Variants in CFAP70 observed in about 807,000 individuals in gnomAD.
CFAP70 encodes the protein cilia and flagella associated protein 70.
CFAP70 carries 81 observed loss-of-function variants against 137.6 expected under a neutral mutation model. That is an observed-to-expected ratio of 0.59 (90% confidence interval 0.49 to 0.71). The LOEUF is 0.71. CFAP70 is among the 30% of genes least tolerant of loss of function. The probability of loss-of-function intolerance (pLI) is 0.00; values close to 1 mark genes in which losing one functional copy is unlikely to be tolerated. For missense variants in CFAP70, 976 were observed against 1,226.7 expected, an observed-to-expected ratio of 0.80 and a Z score of 3.05; for synonymous variants, 382 against 423.6, an observed-to-expected ratio of 0.90 and a Z score of 1.20.
In CFAP70 at chr10:73,274,369, G is replaced by A; in HGVS notation, c.2835+64C>T. ...CTAGTTTTAGTCCACACAGATAGAT[G>A]TTAATGCTTGAATTACAATTAGTTC... On this transcript the variant is annotated intron_variant, in intron 23 of 26. Coordinates refer to ENST00000310715, the Ensembl canonical transcript of CFAP70. The A allele has an allele frequency of 5.3e-6, 8 of 1,506,762 alleles. No individual in the cohort carries two copies. In the South Asian group the frequency reaches 7.9e-5, roughly 15 times the overall value. 93.3% of individuals were successfully genotyped at this position (1,506,762 alleles called of 1,614,324 possible).
chr10:73,306,403 C>A (rs1564815759), intron 12 of CFAP70, among the ~76,000 whole-genome samples: 1 of 152,106 alleles, frequency 6.6e-6, no homozygotes, highest in Non-Finnish European at 1.5e-5. Flanking sequence ...ACACCATAGT[C>A]AAATTGTCAA....
At chr10:73,326,220 C>T (rs1272676957) in intron 8 of CFAP70, among the ~76,000 whole-genome samples, 5 of 151,840 alleles carry the variant, frequency 3.3e-5, no homozygotes, top group South Asian at 2.1e-4. Context: ...ACTGAACAAC[C>T]TGCTCCTGAA....
At chr10:73,287,498 A>G (rs919318666) in intron 19 of CFAP70, among the ~76,000 whole-genome samples, 4 of 152,192 alleles carry the variant, frequency 2.6e-5, no homozygotes, top group South Asian at 2.1e-4. Context: ...CCTAGGTGAT[A>G]TATGCAAATA....
intron 20 of CFAP70, 72 bp from the exon 22 acceptor site, chr10:73,277,433 G>T: frequency 9.1e-6 from 14 of 1,544,856 alleles, no homozygotes; most frequent in Non-Finnish European, 1.1e-5. Flanking sequence ...AGACACATTC[G>T]GGTGGGTGCG....
intron 8 of CFAP70, among the ~76,000 whole-genome samples, 166 bp from the exon 10 acceptor site, chr10:73,323,263 C>T (rs2051043136): frequency 7.3e-6 from 1 of 136,916 alleles, no homozygotes. Context: ...CCTTCTTTAT[C>T]TTCAAAATGG....
At chr10:73,362,465 T>G (rs1324762386), upstream of CFAP70, among the ~76,000 whole-genome samples, 1 of 152,232 alleles carries the variant, frequency 6.6e-6, no homozygotes, top group African/African-American at 2.4e-5. Flanking sequence ...CATCAATGTT[T>G]TGTAGTTTTC....
intron 9 of CFAP70, among the ~76,000 whole-genome samples, chr10:73,317,791 G>A (rs896326537): frequency 1.1e-4 from 17 of 151,922 alleles, no homozygotes; most frequent in Admixed American, 8.5e-4. Context: ...AGAAGACCAC[G>A]TCTCAAAAAA....
At chr10:73,279,805 CCATGATTTTGCCACTGCA>C (rs1385098985) in intron 19 of CFAP70, among the ~76,000 whole-genome samples, 1 of 151,756 alleles carries the variant, frequency 6.6e-6, no homozygotes, top group Non-Finnish European at 1.5e-5. Flanking sequence ...TTGCAGTGAG[CCATGATTTTGCCACTGCA>C]CTCTGGCCTG....
chr10:73,269,904 T>C (rs2046101688), intron 24 of CFAP70, among the ~76,000 whole-genome samples, 189 bp from the exon 26 acceptor site: 1 of 152,224 alleles, frequency 6.6e-6, no homozygotes, highest in South Asian at 2.1e-4. Context: ...AGAGCTCTGA[T>C]TAAAAAGCCA....
At chr10:73,286,847 C>A (rs947396955) in intron 19 of CFAP70, among the ~76,000 whole-genome samples, 2 of 152,146 alleles carry the variant, frequency 1.3e-5, no homozygotes, top group Non-Finnish European at 2.9e-5. Context: ...TAAAAGTATG[C>A]CTTATGGGAA....
At chr10:73,297,915 T>G (rs1251279958) in intron 14 of CFAP70, among the ~76,000 whole-genome samples, 4 of 152,226 alleles carry the variant, frequency 2.6e-5, no homozygotes, top group Non-Finnish European at 4.4e-5. Context: ...ACCCAACTAG[T>G]AAATGTGGAA....
exon 7 of CFAP70, chr10:73,335,430 C>T: frequency 6.2e-7 from 1 of 1,605,172 alleles, no homozygotes; most frequent in East Asian, 2.2e-5. Flanking sequence ...TTCTTCTTAC[C>T]TGACCACTGC....
At chr10:73,362,898 GTGTC>G (rs1299193000), upstream of CFAP70, among the ~76,000 whole-genome samples, 1 of 148,940 alleles carries the variant, frequency 6.7e-6, no homozygotes, top group Non-Finnish European at 1.5e-5. Flanking sequence ...TGTTAGCTGT[GTGTC>G]TGTCATACAT....
intron 14 of CFAP70, among the ~76,000 whole-genome samples, chr10:73,297,476 T>G (rs2048628996): frequency 6.6e-6 from 1 of 152,176 alleles, no homozygotes; most frequent in Non-Finnish European, 1.5e-5. Context: ...ATGTCTCTCA[T>G]GGTGGCCATA....
chr10:73,277,843 G>T (rs2046903642), intron 20 of CFAP70, among the ~76,000 whole-genome samples: 1 of 152,146 alleles, frequency 6.6e-6, no homozygotes. Context: ...AGCACTCAAA[G>T]GTTCTCAAGG....
At chr10:73,347,777 G>C (rs1242086449) in intron 4 of CFAP70, among the ~76,000 whole-genome samples, 2 of 152,160 alleles carry the variant, frequency 1.3e-5, no homozygotes, top group African/African-American at 2.4e-5. Context: ...TTTTCAGTGA[G>C]AGGCATGCTA....
At chr10:73,337,138 A>G (rs2052745283) in intron 6 of CFAP70, among the ~76,000 whole-genome samples, 1 of 152,214 alleles carries the variant, frequency 6.6e-6, no homozygotes, top group East Asian at 1.9e-4. Flanking sequence ...TGTATGTATT[A>G]GTGTGTGCAT....
intron 19 of CFAP70, among the ~76,000 whole-genome samples, chr10:73,289,010 C>G (rs2047954951): frequency 6.6e-6 from 1 of 152,164 alleles, no homozygotes; most frequent in African/African-American, 2.4e-5. Context: ...TGTCACCTTA[C>G]ATTGGTTCAT....
At chr10:73,286,772 A>T (rs57690136) in intron 19 of CFAP70, among the ~76,000 whole-genome samples, 16,061 of 152,190 alleles carry the variant, frequency 0.11, 1,223 homozygotes, top group East Asian at 0.3. Flanking sequence ...TAAACAGAGT[A>T]TTACCCACAT....
Sources: gnomAD v4.1 joint callset for allele counts (sites outside exome capture counted in the v4.1 genomes callset) on GRCh38, gnomAD v4.1.1 for gene constraint, MANE v1.5 for transcripts, NCBI Gene and HGNC (gene_info 2026-07-23, HGNC 2026-07-21) for gene names.